DCDC1: variants seen among roughly 807,000 people sequenced by gnomAD.
DCDC1 encodes the protein doublecortin domain containing 1.
A neutral mutation model predicts 178.3 loss-of-function variants in DCDC1; 200 were observed. The observed-to-expected ratio is 1.12, with a 90% CI of 1.00 to 1.26. DCDC1 has a LOEUF of 1.26. Ranked by LOEUF, DCDC1 falls within the 50% of genes most tolerant of loss-of-function variation. The pLI is 0.00. For missense variants in DCDC1, 1,983 were observed against 1,749.2 expected (o/e 1.13, Z -2.38); for synonymous variants, 690 against 604.8 (o/e 1.14, Z -2.07).
intron 27 of DCDC1, among the ~76,000 whole-genome samples, chr11:30,913,404 CA>C (rs1187943898): frequency 3.5e-5 from 5 of 143,926 alleles, no homozygotes; most frequent in African/African-American, 5.1e-5. Flanking sequence ...GACTCTGTCT[CA>C]AAAAAAAAAC....
chr11:31,057,888 C>T (rs1955687902), intron 20 of DCDC1, among the ~76,000 whole-genome samples: 1 of 152,030 alleles, frequency 6.6e-6, no homozygotes, highest in Non-Finnish European at 1.5e-5. Context: ...CTACCTTCTC[C>T]CTACAGCAAC....
chr11:30,868,056 C>G (rs190282107), intron 38 of DCDC1, among the ~76,000 whole-genome samples: 13 of 152,004 alleles, frequency 8.6e-5, no homozygotes, highest in Non-Finnish European at 1.6e-4. Flanking sequence ...CAGAATAGAT[C>G]CAAAGATATG....
Position 30,915,497 on chromosome 11 carries a change from T to G in DCDC1, c.3653+14A>C, listed in dbSNP as rs762421688. 1.9e-6 allele frequency: 3 copies of G among 1,613,650 alleles called. No individual in the cohort carries two copies. Among genetic ancestry groups the G allele is most frequent in the East Asian group, 4.5e-5 (2 of 44,868 alleles). On this transcript the variant is annotated intron_variant, in intron 27 of 38. Coordinates refer to ENST00000684477, the MANE Select transcript of DCDC1 (RefSeq NM_001387274.1). ...CACCTTTTGATATAGTAAACCCAAA[T>G]ATAATGGGATTACCTGCTGTCTTCC...
At position 31,192,749 on chromosome 11, in the gene DCDC1, T is replaced by G. The variant is rs568735992; in HGVS notation, c.1221+48701A>C. ...AAGACTCTGATGGTTAGTTTTTATG[T>G]GTCCACTTGAGTGGGATAAGGGATG... On this transcript the variant is annotated intron_variant, in intron 9 of 38. Coordinates refer to ENST00000684477, the MANE Select transcript of DCDC1 (RefSeq NM_001387274.1). Among the ~76,000 whole-genome samples, 167 of 152,216 alleles carry G rather than the reference T, an allele frequency of 1.1e-3. 3 individuals are homozygous for G. The highest frequency in any genetic ancestry group is 3.8e-4 in the Non-Finnish European group (26 of 67,980).
intron 23 of DCDC1, among the ~76,000 whole-genome samples, chr11:30,923,040 C>T (rs1292116069): frequency 3.3e-5 from 5 of 150,968 alleles, no homozygotes; most frequent in South Asian, 2.1e-4. Flanking sequence ...GAGGGAGAGA[C>T]GGAGGAAGGT....
Position 31,307,849 on chromosome 11 carries a change from G to A in DCDC1, c.224C>T (p.Ser75Phe). The change falls in exon 4 of 39, where the codon TCT (serine) becomes TTT (phenylalanine). Residue 75 changes from serine to phenylalanine, a missense_variant. Transcript: ENST00000684477. Reference protein sequence around the residue: ...VIKTTDDYLQSQFGPNRLVHS... With the variant: ...VIKTTDDYLQFQFGPNRLVHS... ...CACGAGTCTGTTGGGGCCAAACTGAGACTGCAAATAATCATCAGTAGTTTT... is the reference window on the plus strand; with the variant it reads ...CACGAGTCTGTTGGGGCCAAACTGAAACTGCAAATAATCATCAGTAGTTTT... The A allele has an allele frequency of 6.2e-7, 1 of 1,614,138 alleles. No homozygotes were observed. The highest frequency in any genetic ancestry group is 8.5e-7 in the Non-Finnish European group (1 of 1,179,994).
chr11:31,060,797 GTTAT>G (rs974030598), intron 20 of DCDC1, among the ~76,000 whole-genome samples: 7 of 152,080 alleles, frequency 4.6e-5, no homozygotes, highest in African/African-American at 1.4e-4. Context: ...CATTTGGTTA[GTTAT>G]TTGTCTATAT....
At chr11:30,906,146 C>A (rs928267464) in intron 30 of DCDC1, among the ~76,000 whole-genome samples, 2 of 152,010 alleles carry the variant, frequency 1.3e-5, no homozygotes, top group East Asian at 1.9e-4. Context: ...CAGTCATTAA[C>A]AACAACACAT....
chr11:31,348,000 C>T (rs1950897577), intron 1 of DCDC1, among the ~76,000 whole-genome samples: 1 of 152,096 alleles, frequency 6.6e-6, no homozygotes. Context: ...CTTGTCTATT[C>T]CTTCATAACC....
chr11:30,936,743 A>G (rs1947302842), intron 21 of DCDC1, among the ~76,000 whole-genome samples: 1 of 152,136 alleles, frequency 6.6e-6, no homozygotes, highest in South Asian at 2.1e-4. Flanking sequence ...AGACTGGGGG[A>G]AGATGCCTGC....
At chr11:31,179,511 C>T (rs1968501481) in intron 9 of DCDC1, among the ~76,000 whole-genome samples, 3 of 152,272 alleles carry the variant, frequency 2.0e-5, no homozygotes, top group Middle Eastern at 3.4e-3. Flanking sequence ...GAAGGAAATG[C>T]TGTCATTTGT....
At chr11:31,352,618 A>T (rs1196897850) in intron 1 of DCDC1, among the ~76,000 whole-genome samples, 7 of 152,202 alleles carry the variant, frequency 4.6e-5, no homozygotes, top group Middle Eastern at 3.2e-3. Context: ...AAACAAAGAT[A>T]ACAGCTTTTG....
intron 31 of DCDC1, 86 bp from the exon 32 acceptor site, chr11:30,903,769 GAA>G (rs60052413): frequency 2.9e-6 from 3 of 1,044,768 alleles, no homozygotes; most frequent in African/African-American, 1.7e-5. Context: ...CTAAAAATCT[GAA>G]AAAAAAAATA....
At chr11:31,143,169 A>ACC (rs1304532429) in intron 9 of DCDC1, among the ~76,000 whole-genome samples, 2 of 152,330 alleles carry the variant, frequency 1.3e-5, no homozygotes, top group African/African-American at 4.8e-5. Flanking sequence ...ACAATCTATA[A>ACC]GTAAGAAGGA....
intron 3 of DCDC1, among the ~76,000 whole-genome samples, chr11:31,310,599 C>T (rs1028616978): frequency 6.6e-5 from 10 of 152,098 alleles, no homozygotes; most frequent in Middle Eastern, 6.8e-3. Flanking sequence ...GATTACACCG[C>T]GCCCAGCCTC....
intron 1 of DCDC1, among the ~76,000 whole-genome samples, chr11:31,355,972 G>T (rs142361719): frequency 1.2e-4 from 18 of 152,022 alleles, no homozygotes; most frequent in African/African-American, 3.4e-4. Context: ...TATTTGTACC[G>T]GTATATCCAA....
rs373483905 is a variant in DCDC1 at position 31,141,195 on chromosome 11, T to C, written c.1222-3411A>G. On this transcript the variant is annotated intron_variant, in intron 9 of 38. Coordinates refer to ENST00000684477, the MANE Select transcript of DCDC1 (RefSeq NM_001387274.1). ...AAAAATAATACAGATTGTGTAAAAA[T>C]TTTAACATGTTAAGATCTTTAAAAA... 7.2e-5 allele frequency among the ~76,000 whole-genome samples: 11 copies of C among 152,172 alleles called. No homozygotes were observed. The East Asian group carries it at 1.9e-3, about 27-fold the overall frequency.
At chr11:31,310,066 G>A (rs751813247) in intron 3 of DCDC1, among the ~76,000 whole-genome samples, 12 of 152,200 alleles carry the variant, frequency 7.9e-5, no homozygotes, top group Non-Finnish European at 1.6e-4. Context: ...ACATGATCCT[G>A]ATAGGGTTAG....
At chr11:31,251,163 A>G (rs1453010197) in intron 8 of DCDC1, among the ~76,000 whole-genome samples, 1 of 152,214 alleles carries the variant, frequency 6.6e-6, no homozygotes, top group Non-Finnish European at 1.5e-5. Flanking sequence ...TTTACACTCT[A>G]GATGAAAGAC....
Sources: gnomAD v4.1 joint callset for allele counts (sites outside exome capture counted in the v4.1 genomes callset) on GRCh38, gnomAD v4.1.1 for gene constraint, MANE v1.5 for transcripts, NCBI Gene and HGNC (gene_info 2026-07-23, HGNC 2026-07-21) for gene names.